The following HDAC9 variants were observed in gnomAD, a reference collection of about 807,000 sequenced individuals.
The protein encoded by HDAC9 is MEF-2 interacting transcription repressor (MITR) protein.
HDAC9 carries 41 observed loss-of-function variants against 139.4 expected under a neutral mutation model. That is an observed-to-expected ratio of 0.29 (90% CI 0.23 to 0.38). The LOEUF is 0.38. HDAC9 is among the 10% of genes least tolerant of loss of function. The pLI is 1.00. For missense variants in HDAC9, 1,147 were observed against 1,297.0 expected (o/e 0.88, Z 1.78); for synonymous variants, 517 against 476.2 (o/e 1.09, Z -1.12).
chr7:18,371,922 G>T (rs1287177291), intron 1 of HDAC9, among the ~76,000 whole-genome samples: 1 of 152,146 alleles, frequency 6.6e-6, no homozygotes, highest in Non-Finnish European at 1.5e-5. Context: ...AAGTTTTGGT[G>T]CTCTTAACTG....
At chr7:18,307,231 C>T (rs899648846) in intron 1 of HDAC9, among the ~76,000 whole-genome samples, 71 of 151,060 alleles carry the variant, frequency 4.7e-4, no homozygotes, top group African/African-American at 1.5e-3. Flanking sequence ...GCTTTGAGTC[C>T]GTGGGCAAGT....
chr7:18,187,611 AC>A (rs1478334308), intron 2 of HDAC9, among the ~76,000 whole-genome samples: 1 of 152,130 alleles, frequency 6.6e-6, no homozygotes, highest in Non-Finnish European at 1.5e-5. Flanking sequence ...TTTGTTGCCA[AC>A]CTTTTGCACT....
chr7:18,937,955 T>G (rs1223585898), intron 23 of HDAC9, among the ~76,000 whole-genome samples: 1 of 152,232 alleles, frequency 6.6e-6, no homozygotes, highest in Admixed American at 6.5e-5. Flanking sequence ...TCTCTTTCTT[T>G]AAGAAATGAT....
At chr7:18,869,037 C>T (rs1336825484) in intron 21 of HDAC9, among the ~76,000 whole-genome samples, 1 of 152,050 alleles carries the variant, frequency 6.6e-6, no homozygotes, top group African/African-American at 2.4e-5. Context: ...AAGTTAATGT[C>T]AGTAAGTGCT....
rs771615073 is a variant in HDAC9, at chr7:18,648,481, A to T, written c.1265A>T (p.His422Leu). The change falls in exon 11 of 26, where the codon CAT becomes CTT. Residue 422 changes from histidine to leucine, a missense_variant. His to Leu is a moderately conservative substitution (Grantham distance 99, BLOSUM62 -3). Transcript: ENST00000686413. The stretch of plus-strand genomic sequence containing the variant: ...TTTTTTTCAGGTGGAGTTCCCTTAC[A>T]TCCTCAGTCTCCCTTGGCAACAAAA... ...KLLVAGGVPL[H>L]PQSPLATKER... 1 of 1,612,286 alleles carries T rather than the reference A, an allele frequency of 6.2e-7. No homozygotes were observed. The highest frequency in any genetic ancestry group is 2.2e-5 in the East Asian group (1 of 44,748).
intron 1 of HDAC9, among the ~76,000 whole-genome samples, chr7:18,095,368 T>C (rs1584006779): frequency 6.6e-6 from 1 of 152,196 alleles, no homozygotes; most frequent in East Asian, 1.9e-4. Flanking sequence ...GGAAAGTCTT[T>C]AAAAGGAATT....
chr7:18,601,455 CT>C (rs536816159), intron 6 of HDAC9, among the ~76,000 whole-genome samples: 28 of 148,568 alleles, frequency 1.9e-4, no homozygotes, highest in South Asian at 4.3e-4. Flanking sequence ...ATCTGTATGC[CT>C]TTTTTTTTTC....
chr7:18,621,458 T>G (rs770116324), intron 6 of HDAC9, among the ~76,000 whole-genome samples: 3 of 152,032 alleles, frequency 2.0e-5, no homozygotes, highest in Non-Finnish European at 2.9e-5. Flanking sequence ...TTTTGAAAAA[T>G]GGTAATCTTA....
chr7:18,338,989 G>A (rs1464595758), intron 1 of HDAC9, among the ~76,000 whole-genome samples: 4 of 151,456 alleles, frequency 2.6e-5, no homozygotes, highest in African/African-American at 9.7e-5. Context: ...GAATTTGGTA[G>A]TTTGTGTTTT....
intron 2 of HDAC9, among the ~76,000 whole-genome samples, chr7:18,178,410 A>G (rs776071131): frequency 5.9e-5 from 9 of 152,174 alleles, no homozygotes; most frequent in African/African-American, 9.7e-5. Flanking sequence ...TGGCTTATCT[A>G]TTCATTGAAC....
At chr7:18,258,951 CTTTTTTTTTTTTTTTT>C (rs199607615) in intron 2 of HDAC9, among the ~76,000 whole-genome samples, 13 of 98,326 alleles carry the variant, frequency 1.3e-4, no homozygotes, top group Non-Finnish European at 1.7e-4. Context: ...TCTTCTTCTC[CTTTTTTTTTTTTTTTT>C]TTTTTTTTTT....
At chr7:18,911,307 A>T (rs924290695) in intron 22 of HDAC9, among the ~76,000 whole-genome samples, 1 of 151,514 alleles carries the variant, frequency 6.6e-6, no homozygotes, top group Non-Finnish European at 1.5e-5. Flanking sequence ...TTGTTGTTGT[A>T]TAGTTGTATA....
intron 14 of HDAC9, among the ~76,000 whole-genome samples, chr7:18,754,935 G>A (rs535122849): frequency 1.4e-4 from 21 of 152,096 alleles, no homozygotes; most frequent in Non-Finnish European, 1.0e-4. Context: ...ACTGCAAAGC[G>A]CTGAAAACTG....
At chr7:18,860,403 G>T (rs181569784) in intron 21 of HDAC9, among the ~76,000 whole-genome samples, 1 of 152,192 alleles carries the variant, frequency 6.6e-6, no homozygotes. Flanking sequence ...CAACCACCAG[G>T]TTGCTATAGA....
rs1816265212 is a variant in HDAC9, at chr7:18,549,233, T to G, written c.23-36048T>G. Among the ~76,000 whole-genome samples, 3 of 152,222 alleles carry G rather than the reference T, an allele frequency of 2.0e-5. No homozygotes were observed. In the South Asian group the frequency reaches 6.2e-4, roughly 32 times the overall value. On this transcript the variant is annotated intron_variant, in intron 2 of 25. Transcript: ENST00000686413. ...AGCCTGGTGACAGAGCAAGACTCTG[T>G]CTGAAATAAATAAATAAACAAACAA...
intron 2 of HDAC9, among the ~76,000 whole-genome samples, chr7:18,513,208 G>A (rs1376223775): frequency 6.6e-6 from 1 of 152,168 alleles, no homozygotes; most frequent in Admixed American, 6.5e-5. Context: ...ATCTTGCATT[G>A]TATAGAGGGA....
chr7:18,134,997 A>G (rs184218298), intron 1 of HDAC9, among the ~76,000 whole-genome samples: 1 of 152,274 alleles, frequency 6.6e-6, no homozygotes, highest in African/African-American at 2.4e-5. Flanking sequence ...TATGGTTTGT[A>G]TCTAAACAGA....
At chr7:18,228,340 A>G (rs1793212168) in intron 2 of HDAC9, among the ~76,000 whole-genome samples, 2 of 151,646 alleles carry the variant, frequency 1.3e-5, no homozygotes, top group Admixed American at 6.6e-5. Context: ...AAAATGACGT[A>G]TAAAACTCAA....
chr7:18,666,663 A>G, intron 12 of HDAC9, 187 bp downstream of exon 12: 2 of 1,399,262 alleles, frequency 1.4e-6, no homozygotes, highest in Middle Eastern at 2.6e-4. Flanking sequence ...GTCTTTCTAT[A>G]TACTGATCTC....
Sources: gnomAD v4.1 joint callset for allele counts (sites outside exome capture counted in the v4.1 genomes callset) on GRCh38, gnomAD v4.1.1 for gene constraint, MANE v1.5 for transcripts, NCBI Gene and HGNC (gene_info 2026-07-23, HGNC 2026-07-21) for gene names.